Variants in SCN8A observed in about 807,000 individuals in gnomAD.
The protein encoded by SCN8A is sodium voltage-gated channel alpha subunit 8, also known as sodium channel protein type 8 subunit alpha.
SCN8A carries 30 observed loss-of-function variants against 184.1 expected under a neutral mutation model. That is an observed-to-expected ratio of 0.16 (90% CI 0.12 to 0.22). SCN8A has a LOEUF of 0.22. SCN8A is among the 10% of genes least tolerant of loss of function. The pLI, the probability that SCN8A is intolerant of heterozygous loss-of-function variation, is 1.00. For missense variants in SCN8A, 1,057 were observed against 2,498.9 expected, an observed-to-expected ratio of 0.42 and a Z score of 12.30; for synonymous variants, 852 against 907.0, an observed-to-expected ratio of 0.94 and a Z score of 1.09.
intron 1 of SCN8A, among the ~76,000 whole-genome samples, chr12:51,644,178 T>C (rs2138637331): frequency 6.6e-6 from 1 of 152,300 alleles, no homozygotes; most frequent in Admixed American, 6.5e-5. Context: ...AGTTAAGTGT[T>C]ATGATCTCAT....
intron 1 of SCN8A, among the ~76,000 whole-genome samples, chr12:51,604,962 C>A (rs551086229): frequency 2.0e-5 from 3 of 152,228 alleles, no homozygotes; most frequent in South Asian, 2.1e-4. Context: ...AAGCATAGTA[C>A]CTGATGGGTG....
Position 51,687,103 on chromosome 12 carries a change from A to G in SCN8A, c.498A>G (p.Thr166=). 6.2e-7 allele frequency: 1 copy of G among 1,613,430 alleles called. No homozygotes were observed. The highest frequency in any genetic ancestry group is 2.2e-5 in the East Asian group (1 of 44,872). Residue 166 remains threonine (T), a synonymous_variant, in exon 5 of 27, where the codon ACA becomes ACG. Transcript: ENST00000627620. The part of the protein sequence containing the change: ...DWSKNVEYTF[T]GIYTFESLVK... The stretch of plus-strand genomic sequence containing the variant: ...ATTTCTTTGACAGGTACACGTTCAC[A>G]GGGATTTATACATTTGAATCACTAG...
At chr12:51,621,693 G>C (rs1939966688) in intron 1 of SCN8A, among the ~76,000 whole-genome samples, 1 of 152,176 alleles carries the variant, frequency 6.6e-6, no homozygotes, top group Admixed American at 6.5e-5. Flanking sequence ...AAGAAGGAAG[G>C]GGCAGAGTGT....
intron 1 of SCN8A, among the ~76,000 whole-genome samples, chr12:51,660,036 A>G (rs1465073151): frequency 6.6e-6 from 1 of 152,222 alleles, no homozygotes; most frequent in African/African-American, 2.4e-5. Flanking sequence ...TTTTGAATAA[A>G]TGAGATCCCT....
intron 13 of SCN8A, among the ~76,000 whole-genome samples, chr12:51,750,408 G>A (rs1942578196): frequency 6.6e-6 from 1 of 152,150 alleles, no homozygotes; most frequent in South Asian, 2.1e-4. Flanking sequence ...GAAAGAAAGA[G>A]AAAAGCAAAG....
intron 12 of SCN8A, among the ~76,000 whole-genome samples, chr12:51,737,691 G>A (rs577388655): frequency 3.9e-5 from 6 of 152,256 alleles, no homozygotes; most frequent in Admixed American, 2.0e-4. Flanking sequence ...AAACCAGCAC[G>A]AGAAATTGAA....
intron 12 of SCN8A, among the ~76,000 whole-genome samples, chr12:51,734,825 G>A (rs1313044408): frequency 2.6e-5 from 4 of 152,188 alleles, no homozygotes; most frequent in African/African-American, 4.8e-5. Context: ...GAAAAACAAC[G>A]TAGATTAAAA....
chr12:51,611,453 C>T lies in SCN8A; in HGVS notation c.-55+20094C>T, dbSNP rs763288921. Among the ~76,000 whole-genome samples the T allele has an allele frequency of 1.2e-4, 19 of 152,180 alleles. No homozygotes were observed. The East Asian group carries it at 1.4e-3, about 11-fold the overall frequency. ...CTGGGATTACAGGCGTGAGCCACCG[C>T]GCCCAGCTATACCTAAGTATTTCTT... On this transcript the variant is annotated intron_variant, in intron 1 of 26. Coordinates refer to ENST00000627620, the MANE Select transcript of SCN8A (RefSeq NM_001330260.2).
intron 1 of SCN8A, among the ~76,000 whole-genome samples, chr12:51,636,939 G>T (rs1047043258): frequency 6.6e-6 from 1 of 152,112 alleles, no homozygotes; most frequent in East Asian, 1.9e-4. Context: ...TTTACAAATT[G>T]TAAGTTTGTG....
At chr12:51,670,164 C>T (rs1466603717) in intron 2 of SCN8A, among the ~76,000 whole-genome samples, 3 of 152,112 alleles carry the variant, frequency 2.0e-5, no homozygotes, top group East Asian at 3.9e-4. Flanking sequence ...TTGATGGGCA[C>T]GTATGGTCTT....
intron 2 of SCN8A, among the ~76,000 whole-genome samples, chr12:51,681,195 G>T (rs1168977992): frequency 1.3e-5 from 2 of 152,052 alleles, no homozygotes; most frequent in Non-Finnish European, 2.9e-5. Context: ...ATTCACCAGA[G>T]AATTTGTCTC....
chr12:51,776,804 G>C (rs1937717563), intron 20 of SCN8A, among the ~76,000 whole-genome samples: 1 of 152,200 alleles, frequency 6.6e-6, no homozygotes, highest in Non-Finnish European at 1.5e-5. Flanking sequence ...CCATCCACTG[G>C]TGACTTGATG....
Position 51,807,247 on chromosome 12 carries a change from A to C in SCN8A, c.5761A>C (p.Thr1921Pro), listed in dbSNP as rs368796221. 289 of 1,613,886 alleles carry C rather than the reference A, an allele frequency of 1.8e-4. No homozygotes were observed. Among genetic ancestry groups the C allele is most frequent in the Non-Finnish European group, 2.3e-4 (275 of 1,179,898 alleles). The stretch of plus-strand genomic sequence containing the variant: ...GCGGGGCTTCATCTGCAAAAAGACA[A>C]CTTCTAATAAGCTGGAGAATGGAGG... Reference protein sequence around the residue: ...ARRGFICKKTTSNKLENGGTH... With the variant: ...ARRGFICKKTPSNKLENGGTH... The change falls in exon 27 of 27, where the codon ACT becomes CCT. Residue 1921 changes from threonine to proline, a missense_variant. By Grantham distance (38) the Thr-to-Pro change is conservative. Around this residue, in one of 19 missense-constraint regions of SCN8A, gnomAD observed 95 missense variants for 140.2 expected, o/e 0.68. Coordinates refer to ENST00000627620, the MANE Select transcript of SCN8A (RefSeq NM_001330260.2). The surrounding 1 kb of genome is among the most constrained non-coding windows in gnomAD (Gnocchi z 4.5).
intron 1 of SCN8A, among the ~76,000 whole-genome samples, chr12:51,633,973 A>C (rs1308558923): frequency 6.6e-6 from 1 of 152,204 alleles, no homozygotes; most frequent in African/African-American, 2.4e-5. Context: ...CCCAAGAGAA[A>C]CTTATGTGGG....
At chr12:51,592,442 A>G (rs1282364867) in intron 1 of SCN8A, among the ~76,000 whole-genome samples, 1 of 151,712 alleles carries the variant, frequency 6.6e-6, no homozygotes, top group African/African-American at 2.4e-5. Flanking sequence ...CCATCCGACT[A>G]CTCCACCCTA....
chr12:51,682,439 C>G (rs184384910), intron 2 of SCN8A, among the ~76,000 whole-genome samples: 3 of 152,172 alleles, frequency 2.0e-5, no homozygotes, highest in East Asian at 3.9e-4. Context: ...CTGGGCTCTT[C>G]TTTGTGGAGG....
At chr12:51,713,574 C>A in intron 11 of SCN8A, 1 of 708,184 alleles carries the variant, frequency 1.4e-6, no homozygotes, top group African/African-American at 1.7e-5. Context: ...TGGAGTCGGA[C>A]TGGGGGCGAC....
At chr12:51,774,874 G>A (rs1217288219) in intron 20 of SCN8A, among the ~76,000 whole-genome samples, 3 of 152,164 alleles carry the variant, frequency 2.0e-5, no homozygotes, top group African/African-American at 4.8e-5. Context: ...TAGGTGAGGG[G>A]AGTTCATACT....
intron 7 of SCN8A, among the ~76,000 whole-genome samples, chr12:51,700,767 A>G (rs1247027393): frequency 2.0e-5 from 3 of 152,234 alleles, no homozygotes. Context: ...GAGCTCTAAA[A>G]TATCTTTGAT....
Sources: gnomAD v4.1 joint callset for allele counts (sites outside exome capture counted in the v4.1 genomes callset) on GRCh38, gnomAD v4.1.1 for gene constraint, gnomAD v4.1.1 regional missense constraint, Gnocchi (gnomAD v3.1) non-coding constraint, MANE v1.5 for transcripts, NCBI Gene and HGNC (gene_info 2026-07-23, HGNC 2026-07-21) for gene names.